Variants in NEK5 observed in about 807,000 individuals in gnomAD.
NEK5 encodes serine/threonine-protein kinase Nek5.
A neutral mutation model predicts 109.2 loss-of-function variants in NEK5; 88 were observed. The observed-to-expected ratio is 0.81, with a 90% CI of 0.68 to 0.96. NEK5 has a LOEUF of 0.96. Among genes scored for constraint, NEK5 ranks in the 40% least tolerant of loss-of-function variants. NEK5 has a pLI of 0.00. For missense variants in NEK5, 834 were observed against 920.7 expected, an observed-to-expected ratio of 0.91 and a Z score of 1.22; for synonymous variants, 283 against 299.9, an observed-to-expected ratio of 0.94 and a Z score of 0.58.
At chr13:52,110,679 CACACAT>C (rs1031872893) in intron 5 of NEK5, 102 bp from the exon 6 acceptor site, 4 of 656,772 alleles carry the variant, frequency 6.1e-6, no homozygotes, top group African/African-American at 3.6e-5. Flanking sequence ...CACACACACA[CACACAT>C]ACACACATAT....
At chr13:52,093,022 T>G (rs759924241) in intron 13 of NEK5, 32 bp downstream of exon 13, 1 of 1,440,686 alleles carries the variant, frequency 6.9e-7, no homozygotes, top group Non-Finnish European at 9.5e-7. Flanking sequence ...ATTTTTAGAT[T>G]AACCAAAGCT....
intron 23 of NEK5, among the ~76,000 whole-genome samples, chr13:52,046,452 C>A (rs1228965452): frequency 1.3e-5 from 2 of 148,556 alleles, no homozygotes; most frequent in African/African-American, 2.5e-5. Context: ...GCATTCCAGC[C>A]TGGGGAACAA....
chr13:52,099,299 G>A (rs1167878656), intron 12 of NEK5, among the ~76,000 whole-genome samples: 1 of 151,902 alleles, frequency 6.6e-6, no homozygotes, highest in Non-Finnish European at 1.5e-5. Flanking sequence ...TTGGGAGGCC[G>A]AGGCAGGCTG....
chr13:52,034,881 C>CTTTTTTTTTT lies in NEK5; in HGVS notation c.*2057_*2066dup, dbSNP rs753180867. 6.5e-4 allele frequency: 67 copies of CTTTTTTTTTT among 102,456 alleles called. No homozygotes were observed. Among genetic ancestry groups the CTTTTTTTTTT allele is most frequent in the East Asian group, 1.2e-3 (4 of 3,446 alleles). The allele number at this position is 102,456 out of a possible 1,614,324, so 6.3% of individuals were successfully genotyped here. On this transcript the variant is annotated 3_prime_UTR_variant, in exon 24 of 24. Transcript: ENST00000684899. ...ACCATCCTTAAACATTCTTTTTTTT[C>CTTTTTTTTTT]TTTTTTTTTTTTTTTTTTGCCCTTA...
At chr13:52,062,268 A>G (rs992845843) in intron 21 of NEK5, 5 of 152,218 alleles carry the variant, frequency 3.3e-5, no homozygotes, top group African/African-American at 1.2e-4. Flanking sequence ...TTTCAGTGAT[A>G]TACTTACATA....
At chr13:52,110,634 T>G in intron 5 of NEK5, 57 bp from the exon 6 acceptor site, 3 of 1,006,046 alleles carry the variant, frequency 3.0e-6, no homozygotes, top group Non-Finnish European at 4.6e-6. Flanking sequence ...CTGAAATGTC[T>G]TCATGGTAAC....
At chr13:52,052,082 A>T (rs1954510533) in intron 22 of NEK5, among the ~76,000 whole-genome samples, 1 of 152,096 alleles carries the variant, frequency 6.6e-6, no homozygotes, top group Admixed American at 6.6e-5. Context: ...TATGACCTGG[A>T]AGCCCTCCCC....
rs765514932 is a variant in NEK5, at chr13:52,127,511, T to A, written c.-22-7A>T. Reference sequence around the variant, plus strand: ...CTCCAATGGGCTGAGTTTCCTGGAATTAGAGTAATGTAAATTTATCACACA... The same window carrying A: ...CTCCAATGGGCTGAGTTTCCTGGAAATAGAGTAATGTAAATTTATCACACA... On this transcript the variant is annotated splice_polypyrimidine_tract_variant and splice_region_variant and intron_variant, in intron 2 of 23. Coordinates refer to ENST00000684899, the MANE Select transcript of NEK5 (RefSeq NM_001365552.1). The A allele has an allele frequency of 8.6e-7, 1 of 1,164,460 alleles. No individual in the cohort carries two copies. Among genetic ancestry groups the A allele is most frequent in the Admixed American group, 1.8e-5 (1 of 56,880 alleles). 72.1% of individuals were successfully genotyped at this position (1,164,460 alleles called of 1,614,324 possible). A position where few individuals can be genotyped will look rare whatever the true frequency, so the allele number is the denominator to read the frequency against.
chr13:52,063,682 G>A (rs1215029636), intron 21 of NEK5, among the ~76,000 whole-genome samples: 2 of 150,040 alleles, frequency 1.3e-5, no homozygotes, highest in Non-Finnish European at 3.0e-5. Context: ...CCTCTGCCCT[G>A]CCGCCCCGTC....
chr13:52,124,672 T>G (rs1956031042), intron 3 of NEK5, among the ~76,000 whole-genome samples: 1 of 152,258 alleles, frequency 6.6e-6, no homozygotes, highest in Non-Finnish European at 1.5e-5. Context: ...ATCTTTTTAT[T>G]GATTTAATAA....
intron 9 of NEK5, among the ~76,000 whole-genome samples, chr13:52,103,503 T>A (rs1026734051): frequency 2.0e-5 from 3 of 152,202 alleles, no homozygotes; most frequent in African/African-American, 7.2e-5. Flanking sequence ...ATAACAATGA[T>A]GACAGCTGTG....
At chr13:52,079,352 C>G (rs893837852) in intron 17 of NEK5, among the ~76,000 whole-genome samples, 21 of 152,012 alleles carry the variant, frequency 1.4e-4, no homozygotes, top group African/African-American at 4.4e-4. Flanking sequence ...GATGCCGAGC[C>G]GAAGCTGGAC....
intron 11 of NEK5, among the ~76,000 whole-genome samples, chr13:52,101,493 A>G (rs561233606): frequency 1.7e-4 from 26 of 152,342 alleles, no homozygotes; most frequent in African/African-American, 6.0e-4. Context: ...ACTGTTATCA[A>G]TTAGGCCCCA....
At chr13:52,090,451 CT>C (rs1396531262) in intron 13 of NEK5, among the ~76,000 whole-genome samples, 1 of 152,112 alleles carries the variant, frequency 6.6e-6, no homozygotes, top group East Asian at 1.9e-4. Flanking sequence ...AAGCTAAAGT[CT>C]TTGAGTCTTA....
At position 52,082,152 on chromosome 13, in the gene NEK5, C is replaced by T. The variant is rs765252782; in HGVS notation, c.1572+1108G>A. The T allele has an allele frequency of 3.2e-4, 82 of 253,974 alleles. 1 individual carries two copies. Among genetic ancestry groups the T allele is most frequent in the South Asian group, 1.9e-4 (5 of 26,272 alleles). 15.7% of individuals were successfully genotyped at this position (253,974 alleles called of 1,614,324 possible). A position where few individuals can be genotyped will look rare whatever the true frequency, so the allele number is the denominator to read the frequency against. Reference sequence around the variant, plus strand: ...CCAACATGGTGAGACCCTGTCTCTACTAAAATACAAAAATTAGCTGGGCGC... The same window carrying T: ...CCAACATGGTGAGACCCTGTCTCTATTAAAATACAAAAATTAGCTGGGCGC... On this transcript the variant is annotated intron_variant, in intron 17 of 23. Transcript: ENST00000684899.
At chr13:52,089,204 T>C in intron 14 of NEK5, 43 bp downstream of exon 14, 1 of 1,222,310 alleles carries the variant, frequency 8.2e-7, no homozygotes, top group Non-Finnish European at 1.2e-6. Context: ...GAAAAACTAT[T>C]AGGAAATTCC....
Position 52,034,695 on chromosome 13 carries a change from C to CT in NEK5, c.*2252dup, listed in dbSNP as rs760128288. On this transcript the variant is annotated 3_prime_UTR_variant, in exon 24 of 24. Transcript: ENST00000684899. The stretch of plus-strand genomic sequence containing the variant: ...GTGCACACCAACACACCAGCTAATT[C>CT]TTTTTTTTTTTTTTTTTTTTCTGAG... 7.1e-3 allele frequency: 728 copies of CT among 102,318 alleles called. 19 individuals are homozygous for CT. Among genetic ancestry groups the CT allele is most frequent in the African/African-American group, 0.018 (518 of 28,638 alleles). The allele number at this position is 102,318 out of a possible 1,614,324, so 6.3% of individuals were successfully genotyped here. A position where few individuals can be genotyped will look rare whatever the true frequency, so the allele number is the denominator to read the frequency against.
chr13:52,117,726 A>C (rs1566825618), intron 4 of NEK5, among the ~76,000 whole-genome samples: 2 of 152,216 alleles, frequency 1.3e-5, no homozygotes, highest in Non-Finnish European at 2.9e-5. Flanking sequence ...TTTACCATGT[A>C]AAGGGCGACA....
chr13:52,092,801 G>A (rs998959530), intron 13 of NEK5, among the ~76,000 whole-genome samples: 8 of 152,094 alleles, frequency 5.3e-5, no homozygotes, highest in African/African-American at 1.9e-4. Flanking sequence ...CACGAGAATC[G>A]CTTGAACTCA....
Sources: allele counts gnomAD v4.1 joint callset (sites outside exome capture counted in the v4.1 genomes callset), GRCh38; gene constraint gnomAD v4.1.1; transcripts MANE v1.5; gene names NCBI Gene and HGNC (gene_info 2026-07-23, HGNC 2026-07-21).